The following CCDC150 variants were observed in gnomAD, a reference collection of about 807,000 sequenced individuals.
CCDC150 encodes the protein coiled-coil domain-containing protein 150.
In CCDC150, 151 loss-of-function variants were observed where a neutral mutation model predicts 156.5. The observed-to-expected ratio is 0.97, with a 90% confidence interval of 0.85 to 1.10. CCDC150 has a LOEUF of 1.10. Ranked by LOEUF, CCDC150 falls within the 50% of genes least tolerant of loss-of-function variation. The pLI is 0.00. For missense variants in CCDC150, 1,312 were observed against 1,268.1 expected, an observed-to-expected ratio of 1.03 and a Z score of -0.53; for synonymous variants, 452 against 429.4, an observed-to-expected ratio of 1.05 and a Z score of -0.65.
intron 17 of CCDC150, among the ~76,000 whole-genome samples, chr2:196,717,895 AAAAAAAAG>A (rs1697634265): frequency 4.9e-5 from 1 of 20,278 alleles, no homozygotes; most frequent in Non-Finnish European, 1.6e-4. Context: ...AGTCTCAAAA[AAAAAAAAG>A]CAGGATGAAG....
Position 196,726,112 on chromosome 2 carries a change from G to T in CCDC150, c.2556+13G>T. On this transcript the variant is annotated intron_variant, in intron 22 of 27. Transcript: ENST00000389175. Reference sequence around the variant, plus strand: ...GGAAGTGGCTGAGGTATAGTCATGAGAAAAGTTTCTCTTTTGGTGAATGCC... The same window carrying T: ...GGAAGTGGCTGAGGTATAGTCATGATAAAAGTTTCTCTTTTGGTGAATGCC... 1 of 1,611,836 alleles carries T rather than the reference G, an allele frequency of 6.2e-7. No homozygotes were observed. The highest frequency in any genetic ancestry group is 1.1e-5 in the South Asian group (1 of 90,514).
At chr2:196,713,021 C>A in intron 17 of CCDC150, 1 of 475,070 alleles carries the variant, frequency 2.1e-6, no homozygotes, top group East Asian at 3.4e-5. Context: ...TATCTATACC[C>A]CTGGTAACCA....
intron 15 of CCDC150, among the ~76,000 whole-genome samples, chr2:196,708,810 T>A (rs1559262800): frequency 6.6e-6 from 1 of 152,242 alleles, no homozygotes; most frequent in South Asian, 2.1e-4. Context: ...AAAATTCTTT[T>A]CTTTAAGAAT....
intron 20 of CCDC150, 73 bp downstream of exon 20, chr2:196,720,741 A>C (rs1697831449): frequency 1.6e-6 from 2 of 1,287,432 alleles, no homozygotes; most frequent in Non-Finnish European, 1.1e-6. Flanking sequence ...TTTTTGGGAA[A>C]ATGAAGTGAA....
chr2:196,719,427 A>G, intron 18 of CCDC150, 70 bp from the exon 19 acceptor site: 1 of 1,294,544 alleles, frequency 7.7e-7, no homozygotes, highest in Non-Finnish European at 1.0e-6. Context: ...TCCTGGGAGT[A>G]ATGAGATCCA....
intron 2 of CCDC150, 74 bp downstream of exon 2, chr2:196,646,578 C>T: frequency 9.3e-7 from 1 of 1,077,486 alleles, no homozygotes; most frequent in Non-Finnish European, 1.4e-6. Flanking sequence ...AGTAGTTTGG[C>T]AGATGAGATG....
At position 196,689,995 on chromosome 2, in the gene CCDC150, T is replaced by C. The variant is rs565513910; in HGVS notation, c.1510-5051T>C. ...TGTCAAAGGCCTTTTCTGCCTCTATTGAAATAATCATGTGGTTTTTGTCTT... is the reference window on the plus strand; with the variant it reads ...TGTCAAAGGCCTTTTCTGCCTCTATCGAAATAATCATGTGGTTTTTGTCTT... On this transcript the variant is annotated intron_variant, in intron 13 of 27. Transcript: ENST00000389175. 2.7e-3 allele frequency among the ~76,000 whole-genome samples: 409 copies of C among 152,342 alleles called. 2 individuals are homozygous for C. The highest frequency in any genetic ancestry group is 0.017 in the Middle Eastern group (5 of 294).
chr2:196,677,542 A>G (rs1375235728), intron 13 of CCDC150, among the ~76,000 whole-genome samples, 181 bp downstream of exon 13: 1 of 152,150 alleles, frequency 6.6e-6, no homozygotes, highest in Admixed American at 6.5e-5. Flanking sequence ...GTTTCTGGGG[A>G]ACATTTTCTT....
At chr2:196,679,910 A>G (rs1694721923) in intron 13 of CCDC150, among the ~76,000 whole-genome samples, 1 of 152,192 alleles carries the variant, frequency 6.6e-6, no homozygotes, top group Non-Finnish European at 1.5e-5. Context: ...TACAAATTGA[A>G]GTATCTCATC....
intron 8 of CCDC150, 94 bp downstream of exon 8, chr2:196,669,970 C>A: frequency 1.3e-6 from 1 of 754,812 alleles, no homozygotes. Context: ...GCTTCTTACT[C>A]TCATCAAAGT....
rs1034946203 is a variant in CCDC150, at chr2:196,665,655, G to T, written c.734G>T (p.Gly245Val). The T allele has an allele frequency of 1.3e-6, 2 of 1,599,882 alleles. No individual in the cohort carries two copies. Among genetic ancestry groups the T allele is most frequent in the East Asian group, 2.3e-5 (1 of 44,356 alleles). Residue 245 changes from glycine to valine, a missense_variant, in exon 6 of 28, where the codon GGA (glycine) becomes GTA (valine). Gly to Val is a moderately radical substitution (Grantham distance 109). Coordinates refer to ENST00000389175, the MANE Select transcript of CCDC150 (RefSeq NM_001080539.2). ...ATGCTCCTCAAAATACAAGAAATGG[G>T]ATCAACAGTGGAGGTAGAACGAAAA... ...SAMLLKIQEM[G>V]STVEVERKQV...
chr2:196,715,570 A>G (rs1426463089), intron 17 of CCDC150, among the ~76,000 whole-genome samples: 1 of 152,220 alleles, frequency 6.6e-6, no homozygotes, highest in Non-Finnish European at 1.5e-5. Flanking sequence ...CATCCAAAAT[A>G]GTTTGATGAA....
chr2:196,676,133 T>C lies in CCDC150; in HGVS notation c.1138-10T>C, dbSNP rs1694488781. ...GAGCTTCAACTTCTAATATTGCTTT[T>C]AACACTCAGGTAGAGCAGAAAATGA... On this transcript the variant is annotated splice_polypyrimidine_tract_variant and intron_variant, in intron 10 of 27. Coordinates refer to ENST00000389175, the MANE Select transcript of CCDC150 (RefSeq NM_001080539.2). 1.2e-6 allele frequency: 2 copies of C among 1,613,216 alleles called. No homozygotes were observed. The highest frequency in any genetic ancestry group is 2.2e-5 in the East Asian group (1 of 44,856).
chr2:196,713,396 T>C (rs1358474805), intron 17 of CCDC150: 4 of 1,531,076 alleles, frequency 2.6e-6, no homozygotes, highest in Middle Eastern at 1.7e-4. Flanking sequence ...GAGGACTGCA[T>C]CTTCAAAATC....
At chr2:196,697,258 A>G (rs1464694238) in intron 14 of CCDC150, among the ~76,000 whole-genome samples, 1 of 152,074 alleles carries the variant, frequency 6.6e-6, no homozygotes, top group Non-Finnish European at 1.5e-5. Flanking sequence ...AATAATAAAT[A>G]TTATTCTCTG....
In CCDC150 at chr2:196,666,784, G is replaced by A. The variant is rs188489082; in HGVS notation, c.828G>A (p.Leu276=). ...RDSIQSAQEL[L]AQEQKKKEEL... ...CTATACAGAGCGCTCAAGAACTACT[G>A]GCCCAGGAACAAAAAAAAAAAGAAG... is the stretch of plus-strand genomic sequence containing the variant. Residue 276 remains leucine, a synonymous_variant, in exon 7 of 28, where the codon CTG becomes CTA. Transcript: ENST00000389175. The A allele has an allele frequency of 1.9e-6, 3 of 1,613,044 alleles. No individual in the cohort carries two copies. The highest frequency in any genetic ancestry group is 2.7e-5 in the African/African-American group (2 of 74,874).
intron 17 of CCDC150, among the ~76,000 whole-genome samples, chr2:196,714,632 C>T (rs1387944880): frequency 6.6e-6 from 1 of 152,140 alleles, no homozygotes; most frequent in Non-Finnish European, 1.5e-5. Context: ...CAAAAATTGG[C>T]CTCACTTTTC....
At chr2:196,731,881 G>C (rs956475415) in intron 26 of CCDC150, among the ~76,000 whole-genome samples, 152 bp from the exon 27 acceptor site, 2 of 152,132 alleles carry the variant, frequency 1.3e-5, no homozygotes, top group Non-Finnish European at 2.9e-5. Flanking sequence ...GCATGTATAG[G>C]ATGTTAAGTA....
At position 196,656,971 on chromosome 2, in the gene CCDC150, T is replaced by G; in HGVS notation, c.411T>G (p.Asp137Glu). 1 of 1,613,468 alleles carries G rather than the reference T, an allele frequency of 6.2e-7. No homozygotes were observed. Residue 137 changes from aspartate (D) to glutamate (E), a missense_variant, in exon 4 of 28, where the codon GAT (aspartate) becomes GAG (glutamate). By Grantham distance (45) the Asp-to-Glu change is conservative. Transcript: ENST00000389175. ...LNPQKTAFLK[D>E]RLNAIQEEHS... ...GCGGTCTGGTAGCTTTTCTGAAAGA[T>G]CGACTGAATGCAATACAGGAAGAGC...
Sources: allele counts gnomAD v4.1 joint callset (sites outside exome capture counted in the v4.1 genomes callset), GRCh38; gene constraint gnomAD v4.1.1; transcripts MANE v1.5; gene names NCBI Gene and HGNC (gene_info 2026-07-23, HGNC 2026-07-21).